BSN: variants seen among roughly 807,000 people sequenced by gnomAD.
BSN encodes bassoon presynaptic cytomatrix protein.
In BSN, 57 loss-of-function variants were observed where a neutral mutation model predicts 264.8. That is an observed-to-expected ratio of 0.22 (90% CI 0.17 to 0.27). The LOEUF (loss-of-function observed/expected upper bound fraction) is 0.27. BSN is among the 10% of genes least tolerant of loss of function. The pLI is 1.00. For missense variants in BSN, 4,615 were observed against 5,232.5 expected, an observed-to-expected ratio of 0.88 and a Z score of 3.64; for synonymous variants, 2,059 against 2,137.3, an observed-to-expected ratio of 0.96 and a Z score of 1.01.
chr3:49,563,473 G>A (rs1301859223), intron 1 of BSN, among the ~76,000 whole-genome samples: 1 of 152,210 alleles, frequency 6.6e-6, no homozygotes, highest in African/African-American at 2.4e-5. Context: ...GCTTTGTGAT[G>A]GGGAAGGGTG....
chr3:49,591,733 T>C (rs1261432710), intron 1 of BSN, among the ~76,000 whole-genome samples: 4 of 152,066 alleles, frequency 2.6e-5, no homozygotes, highest in Non-Finnish European at 5.9e-5. Context: ...GGACTACAGA[T>C]GTGTGCCACT....
At chr3:49,606,255 T>TATTA (rs1553662109) in intron 1 of BSN, among the ~76,000 whole-genome samples, 9 of 3,940 alleles carry the variant, frequency 2.3e-3, no homozygotes, top group African/African-American at 4.3e-3. Flanking sequence ...ATATTATATA[T>TATTA]AAAATATATA....
At chr3:49,648,517 G>A (rs895131563) in intron 3 of BSN, among the ~76,000 whole-genome samples, 3 of 152,246 alleles carry the variant, frequency 2.0e-5, no homozygotes, top group Non-Finnish European at 4.4e-5. Context: ...CCATCTCACA[G>A]TCCTTTCTGA....
chr3:49,554,883 C>A, intron 1 of BSN, 57 bp downstream of exon 1: 1 of 1,061,372 alleles, frequency 9.4e-7, no homozygotes, highest in South Asian at 4.7e-5. Context: ...GGCCGGGACC[C>A]GGGCCCAGGA....
At chr3:49,665,966 TCCTGGCCCTGGC>T (rs780944112) in intron 11 of BSN, among the ~76,000 whole-genome samples, 2 of 152,356 alleles carry the variant, frequency 1.3e-5, no homozygotes, top group African/African-American at 2.4e-5. Context: ...CTGGAGCCTG[TCCTGGCCCTGGC>T]CCTGGCCCTG....
At chr3:49,637,485 G>A (rs2052428421) in intron 2 of BSN, among the ~76,000 whole-genome samples, 1 of 152,184 alleles carries the variant, frequency 6.6e-6, no homozygotes, top group African/African-American at 2.4e-5. Flanking sequence ...CCAGAGCCCA[G>A]TGGAGGAATT....
In BSN at chr3:49,653,080, C is replaced by A. The variant is rs1310573280; in HGVS notation, c.3524C>A (p.Pro1175His). The A allele has an allele frequency of 1.2e-6, 2 of 1,613,494 alleles. No individual in the cohort carries two copies. The highest frequency in any genetic ancestry group is 3.3e-5 in the Admixed American group (2 of 60,010). Residue 1175 changes from proline to histidine, a missense_variant, in exon 5 of 12, where the codon CCC (proline) becomes CAC (histidine). Pro to His is a moderately conservative substitution (Grantham distance 77). Coordinates refer to ENST00000296452, the MANE Select transcript of BSN (RefSeq NM_003458.4). The surrounding 1 kb of genome is among the most constrained non-coding windows in gnomAD (Gnocchi z 6.3). ...ACACCCTCCGGCAGCTCCACCACTC[C>A]CAGTTCCGGACGGCCGCTCAAGAGC... ...TETPSGSSTT[P>H]SSGRPLKSAE...
intron 1 of BSN, among the ~76,000 whole-genome samples, chr3:49,592,385 A>C (rs2051984776): frequency 6.6e-6 from 1 of 150,450 alleles, no homozygotes; most frequent in Non-Finnish European, 1.5e-5. Context: ...CTGGGATTAC[A>C]GGCGTGAGCC....
chr3:49,645,812 C>G (rs1050389973), intron 3 of BSN, among the ~76,000 whole-genome samples: 1 of 152,180 alleles, frequency 6.6e-6, no homozygotes, highest in Non-Finnish European at 1.5e-5. Flanking sequence ...GAGACACTTA[C>G]CCTGCCTTGG....
At chr3:49,621,212 C>T (rs1269991478) in intron 1 of BSN, among the ~76,000 whole-genome samples, 1 of 152,100 alleles carries the variant, frequency 6.6e-6, no homozygotes, top group Non-Finnish European at 1.5e-5. Context: ...GGCAGTTAGA[C>T]AGGTGAAGAG....
intron 1 of BSN, among the ~76,000 whole-genome samples, chr3:49,597,768 CA>C: frequency 6.6e-6 from 1 of 151,710 alleles, no homozygotes; most frequent in South Asian, 2.1e-4. Flanking sequence ...TCAGCCTCCC[CA>C]GTAGCTGGGA....
rs767664966 is a variant in BSN at position 49,642,906 on chromosome 3, T to TGGACCTGGAGCC, written c.1273_1284dup (p.Gly425_Ala428dup). 3 of 1,613,986 alleles carry TGGACCTGGAGCC rather than the reference T, an allele frequency of 1.9e-6. No individual in the cohort carries two copies. The highest frequency in any genetic ancestry group is 1.7e-6 in the Non-Finnish European group (2 of 1,180,000). ...CTGGGGCTAGAATGGGTCCTGGATCTGGACCTGGAGCCCTGCCGAAAACTG... is the reference window on the plus strand; with the variant it reads ...CTGGGGCTAGAATGGGTCCTGGATCTGGACCTGGAGCCGGACCTGGAGCCCTGCCGAAAACTG... On this transcript the variant is annotated inframe_insertion, in exon 3 of 12. Transcript: ENST00000296452. The surrounding 1 kb of genome is among the most constrained non-coding windows in gnomAD (Gnocchi z 7.0).
In BSN at chr3:49,651,373, G is replaced by C; in HGVS notation, c.1987-170G>C. 6.6e-6 allele frequency: 5 copies of C among 761,890 alleles called. No individual in the cohort carries two copies. Among genetic ancestry groups the C allele is most frequent in the Middle Eastern group, 3.9e-4 (1 of 2,584 alleles). The allele number at this position is 761,890 out of a possible 1,614,324, so 47.2% of individuals were successfully genotyped here. A position where few individuals can be genotyped will look rare whatever the true frequency, so the allele number is the denominator to read the frequency against. ...CCAAGGGCTGGTTTGGGCTTGCCAT[G>C]GAACCTTCAGGTTATTCAAGGCCAG... On this transcript the variant is annotated intron_variant, in intron 4 of 11. Transcript: ENST00000296452. The surrounding 1 kb of genome is among the most constrained non-coding windows in gnomAD (Gnocchi z 5.4).
At chr3:49,584,739 A>T (rs1166114872) in intron 1 of BSN, among the ~76,000 whole-genome samples, 1 of 152,000 alleles carries the variant, frequency 6.6e-6, no homozygotes, top group Non-Finnish European at 1.5e-5. Flanking sequence ...CTTTCTAACT[A>T]TTTTTTTGTG....
intron 1 of BSN, among the ~76,000 whole-genome samples, chr3:49,582,235 A>C (rs1040368414): frequency 6.6e-6 from 1 of 152,122 alleles, no homozygotes; most frequent in African/African-American, 2.4e-5. Flanking sequence ...TTTGATTTGC[A>C]TTTTTCTAAT....
chr3:49,579,233 C>T (rs1211084273), intron 1 of BSN, among the ~76,000 whole-genome samples: 6 of 151,912 alleles, frequency 3.9e-5, no homozygotes, highest in African/African-American at 1.5e-4. Context: ...AAGTGATCCT[C>T]CTGTCTCAGG....
intron 1 of BSN, among the ~76,000 whole-genome samples, chr3:49,593,041 C>A (rs1053777002): frequency 6.6e-6 from 1 of 152,166 alleles, no homozygotes; most frequent in African/African-American, 2.4e-5. Flanking sequence ...GTATTCACCT[C>A]GTTTTGCCCA....
At position 49,572,242 on chromosome 3, in the gene BSN, G is replaced by T. The variant is rs147535803; in HGVS notation, c.224+17416G>T. 3.9e-5 allele frequency among the ~76,000 whole-genome samples: 6 copies of T among 152,272 alleles called. No individual in the cohort carries two copies. In the East Asian group the frequency reaches 1.2e-3, roughly 29 times the overall value. On this transcript the variant is annotated intron_variant, in intron 1 of 11. Coordinates refer to ENST00000296452, the MANE Select transcript of BSN (RefSeq NM_003458.4). Reference sequence around the variant, plus strand: ...TTTTGGGACAAAAATAAATGATTTTGTTTATTGTCCATAAGAGATCTTAAA... The same window carrying T: ...TTTTGGGACAAAAATAAATGATTTTTTTTATTGTCCATAAGAGATCTTAAA...
chr3:49,576,800 T>C (rs2051847923), intron 1 of BSN, among the ~76,000 whole-genome samples: 1 of 152,168 alleles, frequency 6.6e-6, no homozygotes, highest in South Asian at 2.1e-4. Flanking sequence ...GAAGACTGCT[T>C]TCAGAGGTTC....
Sources: gnomAD v4.1 joint callset for allele counts (sites outside exome capture counted in the v4.1 genomes callset) on GRCh38, gnomAD v4.1.1 for gene constraint, Gnocchi (gnomAD v3.1) non-coding constraint, MANE v1.5 for transcripts, NCBI Gene and HGNC (gene_info 2026-07-23, HGNC 2026-07-21) for gene names.